The following SYT1 variants were observed in gnomAD, a reference collection of about 807,000 sequenced individuals.
SYT1 encodes the protein synaptotagmin 1, also known as synaptotagmin-1.
SYT1 carries 8 observed loss-of-function variants against 44.8 expected under a neutral mutation model. That is an observed-to-expected ratio of 0.18 (90% confidence interval 0.10 to 0.32). SYT1 has a LOEUF of 0.32. Among genes scored for constraint, SYT1 ranks in the 10% least tolerant of loss-of-function variants. The probability of loss-of-function intolerance (pLI) is 1.00; values close to 1 mark genes in which losing one functional copy is unlikely to be tolerated. For missense variants in SYT1, 286 were observed against 509.3 expected, an observed-to-expected ratio of 0.56 and a Z score of 4.22; for synonymous variants, 154 against 188.8, an observed-to-expected ratio of 0.82 and a Z score of 1.51.
intron 9 of SYT1, among the ~76,000 whole-genome samples, chr12:79,378,645 G>GT (rs1470039536): frequency 2.6e-4 from 39 of 152,262 alleles, no homozygotes; most frequent in African/African-American, 8.9e-4. Context: ...TAGCCTCATT[G>GT]GCTATAAAAA....
intron 3 of SYT1, among the ~76,000 whole-genome samples, chr12:79,098,155 G>A (rs1192301780): frequency 6.6e-6 from 1 of 151,944 alleles, no homozygotes; most frequent in Admixed American, 6.6e-5. Flanking sequence ...TGAATGAGAT[G>A]TTAACATCCA....
At chr12:78,914,155 T>A (rs892947147) in intron 1 of SYT1, among the ~76,000 whole-genome samples, 1 of 151,870 alleles carries the variant, frequency 6.6e-6, no homozygotes, top group Non-Finnish European at 1.5e-5. Context: ...ATCAAAATTC[T>A]GAGGATATAC....
intron 3 of SYT1, among the ~76,000 whole-genome samples, chr12:79,160,238 A>C (rs1307587144): frequency 6.6e-6 from 1 of 152,150 alleles, no homozygotes; most frequent in Non-Finnish European, 1.5e-5. Context: ...GGGCTATGAC[A>C]TCAAGTTTGG....
At chr12:79,171,906 G>A (rs943914445) in intron 3 of SYT1, among the ~76,000 whole-genome samples, 3 of 151,962 alleles carry the variant, frequency 2.0e-5, no homozygotes, top group Non-Finnish European at 4.4e-5. Context: ...CACTTACACA[G>A]TATCTGGCAT....
chr12:79,448,903 C>T lies in SYT1; in HGVS notation c.1063-15C>T. On this transcript the variant is annotated splice_polypyrimidine_tract_variant and intron_variant, in intron 10 of 10. Coordinates refer to ENST00000261205, the MANE Select transcript of SYT1 (RefSeq NM_005639.3). ...AGAGCTAGATGATTCATATTCATTT[C>T]ATGGCTTCTTTCAGAAAGTGCAGGT... The T allele has an allele frequency of 6.2e-7, 1 of 1,613,260 alleles. No individual in the cohort carries two copies. The highest frequency in any genetic ancestry group is 1.1e-5 in the South Asian group (1 of 91,002).
intron 1 of SYT1, among the ~76,000 whole-genome samples, chr12:78,940,967 A>T (rs1878315881): frequency 6.6e-6 from 1 of 151,286 alleles, no homozygotes; most frequent in Non-Finnish European, 1.5e-5. Context: ...TGAATATTTA[A>T]TTGTGTGCTC....
intron 8 of SYT1, among the ~76,000 whole-genome samples, chr12:79,328,716 G>T (rs912479055): frequency 1.3e-5 from 2 of 151,942 alleles, no homozygotes; most frequent in Admixed American, 6.6e-5. Flanking sequence ...CGTGGTGGCA[G>T]GCACCTGCAG....
At chr12:79,104,399 A>G (rs1745081796) in intron 3 of SYT1, among the ~76,000 whole-genome samples, 2 of 152,238 alleles carry the variant, frequency 1.3e-5, no homozygotes, top group East Asian at 1.9e-4. Context: ...TATACAATAC[A>G]TATATAGCAT....
intron 3 of SYT1, among the ~76,000 whole-genome samples, chr12:79,081,918 G>A (rs890593827): frequency 2.0e-5 from 3 of 152,018 alleles, no homozygotes; most frequent in African/African-American, 7.2e-5. Context: ...AGGAGTATTT[G>A]TCACAATAAG....
At chr12:78,924,431 T>C (rs552982420) in intron 1 of SYT1, among the ~76,000 whole-genome samples, 76 of 151,848 alleles carry the variant, frequency 5.0e-4, no homozygotes, top group African/African-American at 1.7e-3. Flanking sequence ...ATGATTCTTA[T>C]GTGAATTCTT....
intron 3 of SYT1, among the ~76,000 whole-genome samples, chr12:79,068,685 T>C (rs1359246085): frequency 6.6e-6 from 1 of 152,096 alleles, no homozygotes; most frequent in South Asian, 2.1e-4. Context: ...TTTTCCATAA[T>C]CAGTACATTG....
intron 3 of SYT1, among the ~76,000 whole-genome samples, chr12:79,172,347 T>C (rs1364775984): frequency 1.3e-5 from 2 of 152,018 alleles, no homozygotes; most frequent in African/African-American, 2.4e-5. Context: ...AAAGGAGTTA[T>C]AATGCTTCAA....
chr12:78,967,765 T>C (rs1868282032), intron 1 of SYT1, among the ~76,000 whole-genome samples: 1 of 151,936 alleles, frequency 6.6e-6, no homozygotes, highest in Non-Finnish European at 1.5e-5. Context: ...ACATAGAAGA[T>C]TATAGAAATA....
At chr12:79,089,437 C>G (rs1877615963) in intron 3 of SYT1, among the ~76,000 whole-genome samples, 1 of 150,906 alleles carries the variant, frequency 6.6e-6, no homozygotes, top group South Asian at 2.1e-4. Flanking sequence ...TTTACTGCCT[C>G]TGCCTAGCAT....
chr12:78,941,519 G>T (rs1041152200), intron 1 of SYT1, among the ~76,000 whole-genome samples: 5 of 151,908 alleles, frequency 3.3e-5, no homozygotes, highest in African/African-American at 4.8e-5. Flanking sequence ...TACATCTACT[G>T]CATGCTTTGC....
intron 4 of SYT1, among the ~76,000 whole-genome samples, chr12:79,221,711 A>T (rs924044341): frequency 1.3e-5 from 2 of 152,126 alleles, no homozygotes; most frequent in Admixed American, 1.3e-4. Context: ...CACATTTTGA[A>T]TTTTTTATGT....
At chr12:79,056,857 C>T (rs574503283) in intron 3 of SYT1, among the ~76,000 whole-genome samples, 1 of 152,138 alleles carries the variant, frequency 6.6e-6, no homozygotes, top group South Asian at 2.1e-4. Context: ...TGTTTCTCCT[C>T]ATTTTAAAAC....
At chr12:79,122,769 T>C (rs919897990) in intron 3 of SYT1, among the ~76,000 whole-genome samples, 13 of 152,166 alleles carry the variant, frequency 8.5e-5, no homozygotes, top group Admixed American at 6.5e-5. Flanking sequence ...TTTGTTTCCA[T>C]CAAGTTCTTA....
chr12:78,885,341 A>G (rs1874681858), intron 1 of SYT1, among the ~76,000 whole-genome samples: 1 of 145,272 alleles, frequency 6.9e-6, no homozygotes, highest in Admixed American at 6.9e-5. Context: ...GGAAGGAAGA[A>G]AGGAAGGAAG....
Sources: gnomAD v4.1 joint callset for allele counts (sites outside exome capture counted in the v4.1 genomes callset) on GRCh38, gnomAD v4.1.1 for gene constraint, MANE v1.5 for transcripts, NCBI Gene and HGNC (gene_info 2026-07-23, HGNC 2026-07-21) for gene names.